The following GRIN2B variants were observed in gnomAD, a reference collection of about 807,000 sequenced individuals.
The protein encoded by GRIN2B is glutamate receptor ionotropic, NMDA 2B.
Under a neutral mutation model 114.5 loss-of-function variants are expected in GRIN2B, and 5 were observed. The ratio of observed to expected loss-of-function variants is 0.04; its 90% CI spans 0.02 to 0.09. The LOEUF (loss-of-function observed/expected upper bound fraction) is 0.09, where lower values mean the gene tolerates loss of function less well. Among genes scored for constraint, GRIN2B ranks in the 10% least tolerant of loss-of-function variants. The pLI, the probability that GRIN2B is intolerant of heterozygous loss-of-function variation, is 1.00. For synonymous variants in GRIN2B, 787 were observed against 745.1 expected, an observed-to-expected ratio of 1.06 and a Z score of -0.92; for missense variants, 1,108 against 1,943.5, an observed-to-expected ratio of 0.57 and a Z score of 8.08.
At chr12:13,945,064 G>A (rs927698365) in intron 2 of GRIN2B, among the ~76,000 whole-genome samples, 3 of 152,174 alleles carry the variant, frequency 2.0e-5, no homozygotes, top group African/African-American at 7.2e-5. Context: ...TTTCTAGGGT[G>A]ATGTGCTTTT....
At chr12:13,955,623 G>C (rs2136854599) in intron 2 of GRIN2B, among the ~76,000 whole-genome samples, 1 of 152,232 alleles carries the variant, frequency 6.6e-6, no homozygotes, top group South Asian at 2.1e-4. Flanking sequence ...AAATAATTTT[G>C]AGATGAAATG....
chr12:13,848,247 G>C (rs146079797), intron 3 of GRIN2B, among the ~76,000 whole-genome samples: 1,537 of 152,252 alleles, frequency 0.01, 30 homozygotes, highest in African/African-American at 0.036. Flanking sequence ...CACTAAGTTA[G>C]AATACAAATG....
intron 2 of GRIN2B, among the ~76,000 whole-genome samples, chr12:13,921,815 C>G (rs1017319457): frequency 2.0e-5 from 3 of 152,130 alleles, no homozygotes; most frequent in Non-Finnish European, 4.4e-5. Context: ...CCAACAGTCC[C>G]TGGCCCACAG....
At chr12:13,819,188 G>A (rs192363922) in intron 3 of GRIN2B, among the ~76,000 whole-genome samples, 5 of 152,146 alleles carry the variant, frequency 3.3e-5, no homozygotes, top group East Asian at 1.9e-4. Flanking sequence ...AAGAAAGACC[G>A]TGTGAGTGAG....
chr12:13,895,363 C>T (rs1866335757), intron 2 of GRIN2B, among the ~76,000 whole-genome samples: 1 of 152,170 alleles, frequency 6.6e-6, no homozygotes, highest in Non-Finnish European at 1.5e-5. Context: ...GAAATAATCA[C>T]TTTCACTTTA....
At chr12:13,735,048 G>C (rs1863155564) in intron 4 of GRIN2B, among the ~76,000 whole-genome samples, 2 of 152,192 alleles carry the variant, frequency 1.3e-5, no homozygotes, top group African/African-American at 4.8e-5. Context: ...GTTAAGGCCG[G>C]ATATTCAAAG....
At position 13,739,002 on chromosome 12, in the gene GRIN2B, C is replaced by T. The variant is rs145501761; in HGVS notation, c.1010+14315G>A. Among the ~76,000 whole-genome samples the T allele has an allele frequency of 3.6e-4, 55 of 152,114 alleles. 1 individual carries two copies. Among genetic ancestry groups the T allele is most frequent in the African/African-American group, 1.2e-3 (48 of 41,492 alleles). ...AAATGAAAACATGGTGAAGACAGCACGGGAGGAAGTCAGCACATCAATACA... is the reference window on the plus strand; with the variant it reads ...AAATGAAAACATGGTGAAGACAGCATGGGAGGAAGTCAGCACATCAATACA... On this transcript the variant is annotated intron_variant, in intron 4 of 13. Transcript: ENST00000609686.
At chr12:13,691,920 T>A (rs995330467) in intron 4 of GRIN2B, among the ~76,000 whole-genome samples, 15 of 152,130 alleles carry the variant, frequency 9.9e-5, no homozygotes, top group African/African-American at 3.6e-4. Flanking sequence ...ATTATCTTTG[T>A]GAATTTAACT....
intron 2 of GRIN2B, among the ~76,000 whole-genome samples, chr12:13,881,297 C>G (rs938969256): frequency 1.3e-5 from 2 of 152,028 alleles, no homozygotes; most frequent in Admixed American, 1.3e-4. Flanking sequence ...AACACTTAAT[C>G]TCTCCACATT....
chr12:13,570,105 C>T, intron 11 of GRIN2B, 88 bp from the exon 12 acceptor site: 1 of 902,286 alleles, frequency 1.1e-6, no homozygotes, highest in South Asian at 1.4e-5. Context: ...AGTAGGGTTC[C>T]AGAAAACTAT....
intron 5 of GRIN2B, among the ~76,000 whole-genome samples, chr12:13,651,787 T>C (rs375675388): frequency 6.6e-6 from 1 of 152,138 alleles, no homozygotes; most frequent in African/African-American, 2.4e-5. Flanking sequence ...GAAATGTCCA[T>C]GAGGTTTGAA....
At chr12:13,977,023 C>A (rs530241113) in intron 2 of GRIN2B, among the ~76,000 whole-genome samples, 1 of 152,338 alleles carries the variant, frequency 6.6e-6, no homozygotes, top group African/African-American at 2.4e-5. Context: ...AGCTATCTTT[C>A]TGGAGGTAAA....
chr12:13,872,538 A>G (rs1040373455), intron 2 of GRIN2B, among the ~76,000 whole-genome samples: 3 of 152,160 alleles, frequency 2.0e-5, no homozygotes, highest in African/African-American at 7.2e-5. Context: ...ATTGCGGTTT[A>G]TATCTGAAAT....
chr12:13,869,227 TTTTC>T (rs989321435), intron 2 of GRIN2B, among the ~76,000 whole-genome samples: 5 of 139,792 alleles, frequency 3.6e-5, no homozygotes, highest in African/African-American at 1.4e-4. Flanking sequence ...ACTTTTTTCT[TTTTC>T]TTTTTTTTTC....
At chr12:13,952,568 G>C (rs534055758) in intron 2 of GRIN2B, among the ~76,000 whole-genome samples, 2 of 152,138 alleles carry the variant, frequency 1.3e-5, no homozygotes, top group South Asian at 4.2e-4. Flanking sequence ...CTCCCTATCT[G>C]TACTTCCCCT....
At chr12:13,667,934 G>C (rs1002925082) in intron 5 of GRIN2B, among the ~76,000 whole-genome samples, 3 of 152,004 alleles carry the variant, frequency 2.0e-5, no homozygotes, top group Admixed American at 2.0e-4. Context: ...TTTTAACCTA[G>C]ATATAAACAT....
At chr12:13,892,027 T>C (rs1866270726) in intron 2 of GRIN2B, among the ~76,000 whole-genome samples, 1 of 152,214 alleles carries the variant, frequency 6.6e-6, no homozygotes, top group African/African-American at 2.4e-5. Flanking sequence ...GCTCCATCAC[T>C]CAGCCTGGGA....
intron 10 of GRIN2B, among the ~76,000 whole-genome samples, chr12:13,580,725 T>C (rs993617281): frequency 6.6e-6 from 1 of 152,222 alleles, no homozygotes; most frequent in Non-Finnish European, 1.5e-5. Context: ...TATTGACTTT[T>C]ATTGTCATGA....
chr12:13,873,193 C>T (rs1315905713), intron 2 of GRIN2B, among the ~76,000 whole-genome samples: 1 of 152,088 alleles, frequency 6.6e-6, no homozygotes, highest in African/African-American at 2.4e-5. Flanking sequence ...TTAAGTTATA[C>T]CTTCTAAATT....
Sources: gnomAD v4.1 joint callset for allele counts (sites outside exome capture counted in the v4.1 genomes callset) on GRCh38, gnomAD v4.1.1 for gene constraint, MANE v1.5 for transcripts, NCBI Gene and HGNC (gene_info 2026-07-23, HGNC 2026-07-21) for gene names.